TDRD5: variants seen among roughly 807,000 people sequenced by gnomAD.
TDRD5 encodes the protein tudor domain containing 5.
TDRD5 carries 41 observed loss-of-function variants against 120.6 expected under a neutral mutation model. The observed-to-expected ratio is 0.34, with a 90% CI of 0.26 to 0.44. The LOEUF is 0.44. Ranked by LOEUF, TDRD5 falls within the 20% of genes least tolerant of loss-of-function variation. The pLI is 1.00. For missense variants in TDRD5, 1,006 were observed against 1,221.2 expected (o/e 0.82, Z 2.63); for synonymous variants, 430 against 433.7 (o/e 0.99, Z 0.11).
chr1:179,655,461 A>G (rs1678951562), intron 14 of TDRD5, among the ~76,000 whole-genome samples: 1 of 152,174 alleles, frequency 6.6e-6, no homozygotes, highest in African/African-American at 2.4e-5. Context: ...TTTATAAATT[A>G]ACACATAGTA....
chr1:179,666,288 C>A (rs1475790861), intron 16 of TDRD5, among the ~76,000 whole-genome samples: 2 of 152,180 alleles, frequency 1.3e-5, no homozygotes, highest in Non-Finnish European at 2.9e-5. Flanking sequence ...TACTTACAAA[C>A]CTACCTCATT....
chr1:179,608,934 G>A (rs1676136670), intron 4 of TDRD5, among the ~76,000 whole-genome samples: 1 of 151,970 alleles, frequency 6.6e-6, no homozygotes, highest in African/African-American at 2.4e-5. Flanking sequence ...ACTTAATTAT[G>A]TTCTCCCTAT....
chr1:179,623,673 A>T (rs1000776201), intron 6 of TDRD5, among the ~76,000 whole-genome samples: 4 of 122,848 alleles, frequency 3.3e-5, no homozygotes, highest in African/African-American at 1.2e-4. Context: ...TCTCACTGTC[A>T]CCCAGGCTGG....
chr1:179,592,515 C>G, intron 1 of TDRD5, 87 bp from the exon 2 acceptor site: 1 of 1,060,570 alleles, frequency 9.4e-7, no homozygotes, highest in East Asian at 2.4e-5. Context: ...ACTGGAGTCT[C>G]AGTTATTTGT....
intron 17 of TDRD5, among the ~76,000 whole-genome samples, chr1:179,671,986 G>T (rs1365203528): frequency 6.7e-6 from 1 of 149,250 alleles, no homozygotes; most frequent in Non-Finnish European, 1.5e-5. Flanking sequence ...GTGTGTGTGT[G>T]TGTGTGTATC....
intron 17 of TDRD5, among the ~76,000 whole-genome samples, chr1:179,688,929 C>T (rs921779986): frequency 2.0e-5 from 3 of 152,190 alleles, no homozygotes; most frequent in African/African-American, 7.2e-5. Flanking sequence ...GATGTTTATT[C>T]TAGTTAGCCA....
intron 4 of TDRD5, among the ~76,000 whole-genome samples, chr1:179,605,496 AG>A (rs983377430): frequency 1.2e-4 from 18 of 152,206 alleles, no homozygotes; most frequent in African/African-American, 4.3e-4. Flanking sequence ...GGGGGGTAGG[AG>A]GGTTTGCTCT....
chr1:179,687,110 C>T (rs1025730472), intron 17 of TDRD5, among the ~76,000 whole-genome samples: 5 of 152,060 alleles, frequency 3.3e-5, no homozygotes, highest in African/African-American at 1.2e-4. Flanking sequence ...GCTCTTGCTT[C>T]TCTAGTTCTT....
At chr1:179,633,408 A>G (rs1022027250) in intron 7 of TDRD5, among the ~76,000 whole-genome samples, 4 of 151,618 alleles carry the variant, frequency 2.6e-5, no homozygotes, top group African/African-American at 9.7e-5. Flanking sequence ...CTGGAGTGCA[A>G]TGGTGTGATC....
intron 17 of TDRD5, among the ~76,000 whole-genome samples, chr1:179,669,947 G>A (rs965442411): frequency 6.6e-6 from 1 of 152,200 alleles, no homozygotes. Context: ...TTGCTGAATA[G>A]TATTCAGTTA....
intron 17 of TDRD5, among the ~76,000 whole-genome samples, chr1:179,678,373 C>A (rs1205034487): frequency 6.6e-6 from 1 of 152,158 alleles, no homozygotes; most frequent in Non-Finnish European, 1.5e-5. Context: ...AGTTTTTCAG[C>A]ATCTCAGGGA....
At chr1:179,667,400 A>G (rs1251631580) in intron 16 of TDRD5, among the ~76,000 whole-genome samples, 1 of 152,208 alleles carries the variant, frequency 6.6e-6, no homozygotes, top group Non-Finnish European at 1.5e-5. Context: ...ACAGCTAAAC[A>G]TAGGCAGTAG....
At chr1:179,604,770 A>AT (rs1675885557) in intron 4 of TDRD5, among the ~76,000 whole-genome samples, 1 of 152,264 alleles carries the variant, frequency 6.6e-6, no homozygotes, top group South Asian at 2.1e-4. Flanking sequence ...TCTTAAATGT[A>AT]TTGAGGCTCG....
chr1:179,663,801 G>T (rs1679433831), intron 16 of TDRD5, among the ~76,000 whole-genome samples: 1 of 152,102 alleles, frequency 6.6e-6, no homozygotes, highest in Non-Finnish European at 1.5e-5. Context: ...CCTGAGCCTA[G>T]AATTTTAAAA....
intron 6 of TDRD5, 117 bp from the exon 7 acceptor site, chr1:179,630,650 G>A: frequency 2.9e-6 from 3 of 1,039,376 alleles, no homozygotes; most frequent in Admixed American, 2.7e-5. Flanking sequence ...CCTTTACTCT[G>A]TAATACTTGA....
intron 4 of TDRD5, among the ~76,000 whole-genome samples, chr1:179,612,524 T>C (rs562785247): frequency 2.1e-4 from 32 of 152,332 alleles, no homozygotes; most frequent in Non-Finnish European, 4.4e-4. Context: ...TTGTGTGTAG[T>C]TCTAGACCAC....
Position 179,640,004 on chromosome 1 carries a change from C to A in TDRD5, c.1686C>A (p.Asp562Glu). The change falls in exon 10 of 18, where the codon GAC becomes GAA. Residue 562 changes from aspartate (D) to glutamate (E), a missense_variant. Coordinates refer to ENST00000444136, the MANE Select transcript of TDRD5 (RefSeq NM_001199085.3). The stretch of plus-strand genomic sequence containing the variant: ...AGGAAGTTGAAGTGTTCTACCCAGA[C>A]TTTGGAAATATTGGAATTGTTCAGA... ...EKQEVEVFYP[D>E]FGNIGIVQKS... The A allele has an allele frequency of 6.2e-7, 1 of 1,614,142 alleles. No homozygotes were observed. The highest frequency in any genetic ancestry group is 8.5e-7 in the Non-Finnish European group (1 of 1,180,012).
At chr1:179,648,452 T>TG (rs754051680) in intron 11 of TDRD5, among the ~76,000 whole-genome samples, 1,786 of 37,136 alleles carry the variant, frequency 0.048, 65 homozygotes, top group East Asian at 0.15. Context: ...TGTTGTGGGG[T>TG]GGGGGGGGGG....
chr1:179,650,093 T>C (rs1283604041), intron 11 of TDRD5, among the ~76,000 whole-genome samples: 1 of 152,142 alleles, frequency 6.6e-6, no homozygotes, highest in Non-Finnish European at 1.5e-5. Flanking sequence ...GCACCCTGGC[T>C]TTGATGTCTG....
Sources: allele counts gnomAD v4.1 joint callset (sites outside exome capture counted in the v4.1 genomes callset), GRCh38; gene constraint gnomAD v4.1.1; transcripts MANE v1.5; gene names NCBI Gene and HGNC (gene_info 2026-07-23, HGNC 2026-07-21).